Variants in MFAP1 observed in about 807,000 individuals in gnomAD.
MFAP1 encodes the protein microfibril associated protein 1, also known as microfibrillar-associated protein 1.
A neutral mutation model predicts 62.2 loss-of-function variants in MFAP1; 18 were observed. That is an observed-to-expected ratio of 0.29 (90% CI 0.20 to 0.43). The LOEUF is 0.43. Ranked by LOEUF, MFAP1 falls within the 20% of genes least tolerant of loss-of-function variation. The pLI, the probability that MFAP1 is intolerant of heterozygous loss-of-function variation, is 1.00. For missense variants in MFAP1, 355 were observed against 559.7 expected (o/e 0.63, Z 3.69); for synonymous variants, 175 against 180.4 (o/e 0.97, Z 0.24).
At chr15:43,805,519 C>G in intron 7 of MFAP1, 54 bp from the exon 8 acceptor site, 1 of 1,431,328 alleles carries the variant, frequency 7.0e-7, no homozygotes, top group Non-Finnish European at 9.5e-7. Flanking sequence ...TATATTCAAA[C>G]CACAAATTTA....
chr15:43,811,633 G>A (rs1036462281), intron 6 of MFAP1, among the ~76,000 whole-genome samples: 2 of 150,782 alleles, frequency 1.3e-5, no homozygotes, highest in South Asian at 2.1e-4. Flanking sequence ...TCCGCCTCCC[G>A]AGTAGCTGGG....
chr15:43,810,696 G>C (rs1011538890), intron 6 of MFAP1, among the ~76,000 whole-genome samples: 1 of 151,528 alleles, frequency 6.6e-6, no homozygotes, highest in Non-Finnish European at 1.5e-5. Flanking sequence ...GCCAGTGTTG[G>C]GGAGAGGGAG....
At position 43,824,673 on chromosome 15, in the gene MFAP1, C is replaced by T. The variant is rs2087488470; in HGVS notation, c.-104G>A. The T allele has an allele frequency of 5.2e-6, 6 of 1,144,342 alleles. No homozygotes were observed. The highest frequency in any genetic ancestry group is 6.5e-6 in the Non-Finnish European group (5 of 767,936). The allele number at this position is 1,144,342 out of a possible 1,614,324, so 70.9% of individuals were successfully genotyped here. On this transcript the variant is annotated 5_prime_UTR_variant, in exon 1 of 9. Coordinates refer to ENST00000267812, the MANE Select transcript of MFAP1 (RefSeq NM_005926.3). ...AATTCCTTCCACCTGAGTCCGCGAA[C>T]ACAGCTGCGCGACTGATAGAGAAAC...
In MFAP1 at chr15:43,805,388, A is replaced by G. The variant is rs1476223872; in HGVS notation, c.1125T>C (p.Pro375=). Residue 375 remains proline (P), a synonymous_variant, in exon 8 of 9, where the codon CCT becomes CCC. Transcript: ENST00000267812. ...LEDHFNKTIL[P]KVMQVKNFGR... ...AGGTTCCCCATACCTGCATGACTTT[A>G]GGAAGAATGGTTTTATTGAAATGAT... 1 of 1,613,154 alleles carries G rather than the reference A, an allele frequency of 6.2e-7. No individual in the cohort carries two copies. Among genetic ancestry groups the G allele is most frequent in the East Asian group, 2.2e-5 (1 of 44,890 alleles).
rs188010250 is a variant in MFAP1, at chr15:43,816,534, C to T, written c.299+695G>A. On this transcript the variant is annotated intron_variant, in intron 2 of 8. Transcript: ENST00000267812. Reference sequence around the variant, plus strand: ...TGCTAGGATTACAGGCGTGAGCCACCGCACCTGGCCATGGGCACTGTTAAT... The same window carrying T: ...TGCTAGGATTACAGGCGTGAGCCACTGCACCTGGCCATGGGCACTGTTAAT... Among the ~76,000 whole-genome samples, 382 of 152,222 alleles carry T rather than the reference C, an allele frequency of 2.5e-3. 2 individuals are homozygous for T. Among genetic ancestry groups the T allele is most frequent in the Non-Finnish European group, 3.9e-3 (263 of 68,008 alleles).
Position 43,813,268 on chromosome 15 carries a change from C to T in MFAP1, c.707G>A (p.Arg236Lys), listed in dbSNP as rs1451623514. 2 of 1,613,638 alleles carry T rather than the reference C, an allele frequency of 1.2e-6. No individual in the cohort carries two copies. The highest frequency in any genetic ancestry group is 2.2e-5 in the East Asian group (1 of 44,870). Reference sequence around the variant, plus strand: ...CAGTACCTTGAGTGTGTACTTGCGCCTTTCCTCAGCCATGCGTTTTGCTTC... The same window carrying T: ...CAGTACCTTGAGTGTGTACTTGCGCTTTTCCTCAGCCATGCGTTTTGCTTC... The part of the protein sequence containing the change: ...EQEAKRMAEE[R>K]RKYTLKIVEE... The change falls in exon 5 of 9, where the codon AGG (arginine) becomes AAG (lysine). Residue 236 changes from arginine to lysine, a missense_variant. Arg to Lys is a conservative substitution (Grantham distance 26). Coordinates refer to ENST00000267812, the MANE Select transcript of MFAP1 (RefSeq NM_005926.3).
intron 3 of MFAP1, 103 bp downstream of exon 3, chr15:43,814,842 T>C: frequency 2.0e-6 from 3 of 1,529,192 alleles, no homozygotes; most frequent in Non-Finnish European, 2.7e-6. Context: ...ATCAGAGTCC[T>C]GCCAAAGCAG....
At chr15:43,820,378 A>T (rs1446003089) in intron 1 of MFAP1, among the ~76,000 whole-genome samples, 1 of 152,130 alleles carries the variant, frequency 6.6e-6, no homozygotes, top group East Asian at 1.9e-4. Context: ...TACCTATCAC[A>T]CCTTCTAGTC....
intron 1 of MFAP1, among the ~76,000 whole-genome samples, chr15:43,822,138 T>C (rs1010339817): frequency 6.7e-6 from 1 of 149,148 alleles, no homozygotes; most frequent in African/African-American, 2.5e-5. Flanking sequence ...GCAGTAGCTC[T>C]ATGGTGAGCC....
At chr15:43,822,840 T>A (rs1056308350) in intron 1 of MFAP1, among the ~76,000 whole-genome samples, 5 of 151,916 alleles carry the variant, frequency 3.3e-5, no homozygotes, top group Admixed American at 6.6e-5. Context: ...TAATTATTAT[T>A]ATTATTATTA....
At chr15:43,811,048 C>A (rs939452207) in intron 6 of MFAP1, among the ~76,000 whole-genome samples, 2 of 151,594 alleles carry the variant, frequency 1.3e-5, no homozygotes, top group African/African-American at 4.8e-5. Flanking sequence ...AGCCACCACG[C>A]CCGGCCTTGT....
intron 1 of MFAP1, 142 bp from the exon 2 acceptor site, chr15:43,817,590 T>C: frequency 1.3e-6 from 1 of 794,608 alleles, no homozygotes; most frequent in East Asian, 2.7e-5. Flanking sequence ...CCCAACCATC[T>C]ACTCTTCTAA....
intron 2 of MFAP1, among the ~76,000 whole-genome samples, chr15:43,816,071 A>G (rs1436042787): frequency 6.6e-6 from 1 of 152,168 alleles, no homozygotes; most frequent in African/African-American, 2.4e-5. Context: ...AAAGTATAGT[A>G]TGAAAATCAA....
intron 7 of MFAP1, among the ~76,000 whole-genome samples, chr15:43,808,013 A>C (rs2087376570): frequency 6.6e-6 from 1 of 152,120 alleles, no homozygotes; most frequent in Non-Finnish European, 1.5e-5. Flanking sequence ...GGTGGCACAC[A>C]CCTGTAGTCC....
At chr15:43,819,861 C>T (rs1305932211) in intron 1 of MFAP1, among the ~76,000 whole-genome samples, 1 of 152,210 alleles carries the variant, frequency 6.6e-6, no homozygotes, top group African/African-American at 2.4e-5. Context: ...AATCAGTGGG[C>T]ATCCAGCTGG....
chr15:43,812,077 C>G (rs2087404889), intron 6 of MFAP1, among the ~76,000 whole-genome samples: 1 of 151,832 alleles, frequency 6.6e-6, no homozygotes, highest in Non-Finnish European at 1.5e-5. Flanking sequence ...GTAATCCCAG[C>G]TACTTGGGAG....
intron 1 of MFAP1, 121 bp downstream of exon 1, chr15:43,824,370 A>AG (rs1459594777): frequency 2.1e-6 from 2 of 954,468 alleles, no homozygotes; most frequent in Non-Finnish European, 1.6e-6. Flanking sequence ...AAGATCGAAG[A>AG]ATCTGGCAGC....
chr15:43,814,743 G>T, intron 3 of MFAP1, 55 bp from the exon 4 acceptor site: 1 of 1,571,950 alleles, frequency 6.4e-7, no homozygotes, highest in Non-Finnish European at 8.7e-7. Flanking sequence ...CTTTTTGTTC[G>T]TCTCATCAAA....
chr15:43,808,187 CTTGT>C (rs2087377540), intron 7 of MFAP1, among the ~76,000 whole-genome samples: 2 of 152,216 alleles, frequency 1.3e-5, no homozygotes, highest in African/African-American at 2.4e-5. Flanking sequence ...ATAGCACTAT[CTTGT>C]TTAAGAAAGA....
Sources: allele counts gnomAD v4.1 joint callset (sites outside exome capture counted in the v4.1 genomes callset), GRCh38; gene constraint gnomAD v4.1.1; transcripts MANE v1.5; gene names NCBI Gene and HGNC (gene_info 2026-07-23, HGNC 2026-07-21).